The following SGK3 variants were observed in gnomAD, a reference collection of about 807,000 sequenced individuals.
The protein encoded by SGK3 is serine/threonine-protein kinase Sgk3.
A neutral mutation model predicts 68.5 loss-of-function variants in SGK3; 47 were observed. That is an observed-to-expected ratio of 0.69 (90% CI 0.54 to 0.87). The LOEUF (loss-of-function observed/expected upper bound fraction) is 0.87, where lower values mean the gene tolerates loss of function less well. Among genes scored for constraint, SGK3 ranks in the 40% least tolerant of loss-of-function variants. The pLI, the probability that SGK3 is intolerant of heterozygous loss-of-function variation, is 0.00. For synonymous variants in SGK3, 181 were observed against 189.1 expected (o/e 0.96, Z 0.35); for missense variants, 479 against 575.5 (o/e 0.83, Z 1.72).
intron 1 of SGK3, among the ~76,000 whole-genome samples, chr8:66,774,660 AGATT>A (rs1312450972): frequency 2.6e-5 from 4 of 152,192 alleles, no homozygotes; most frequent in East Asian, 1.9e-4. Flanking sequence ...GAAGGGAACG[AGATT>A]GATTAACAAT....
intron 8 of SGK3, 31 bp from the exon 9 acceptor site, chr8:66,835,732 A>G (rs373350839): frequency 1.9e-6 from 3 of 1,578,938 alleles, no homozygotes; most frequent in Admixed American, 3.9e-5. Flanking sequence ...TGAAATTTCT[A>G]ATAGTATACA....
intron 1 of SGK3, among the ~76,000 whole-genome samples, chr8:66,730,298 A>C (rs78607012): frequency 0.13 from 20,164 of 152,126 alleles, 2,533 homozygotes; most frequent in African/African-American, 0.33. Flanking sequence ...CTTATTAAAA[A>C]AAATTTGGTT....
In SGK3 at chr8:66,829,904, G is replaced by A. The variant is rs1049086580; in HGVS notation, c.467+1201G>A. Among the ~76,000 whole-genome samples, 3 of 144,380 alleles carry A rather than the reference G, an allele frequency of 2.1e-5. No homozygotes were observed. In the East Asian group the frequency reaches 6.1e-4, roughly 29 times the overall value. The allele number at this position is 144,380 out of a possible 152,430, so 94.7% of individuals were successfully genotyped here. On this transcript the variant is annotated intron_variant, in intron 7 of 16. Transcript: ENST00000521198. ...TTTTTTTTTATTGAGACAGAGTCTC[G>A]CTCTGTCGCCTAGGCGGGAGTCCAG...
intron 1 of SGK3, chr8:66,767,855 C>T (rs1406949400): frequency 5.0e-6 from 7 of 1,412,168 alleles, no homozygotes; most frequent in Non-Finnish European, 6.0e-6. Context: ...GTGGGAGCAT[C>T]GAATGTTTTG....
At chr8:66,817,789 C>T (rs1223119158) in intron 5 of SGK3, among the ~76,000 whole-genome samples, 1 of 152,094 alleles carries the variant, frequency 6.6e-6, no homozygotes, top group African/African-American at 2.4e-5. Context: ...ATGACATTAT[C>T]ACAAAGTAAA....
intron 11 of SGK3, 36 bp from the exon 12 acceptor site, chr8:66,840,175 A>G: frequency 6.3e-7 from 1 of 1,597,824 alleles, no homozygotes; most frequent in Non-Finnish European, 8.5e-7. Context: ...TTCGGTTTGT[A>G]TTCAGTTTTG....
chr8:66,859,023 A>G (rs1810646888), intron 16 of SGK3, among the ~76,000 whole-genome samples: 1 of 152,176 alleles, frequency 6.6e-6, no homozygotes, highest in African/African-American at 2.4e-5. Context: ...ACAAATTCAT[A>G]AAGGAGTTGT....
At chr8:66,821,678 A>ATTTTTTTTTTTT (rs59399048) in intron 5 of SGK3, among the ~76,000 whole-genome samples, 15 of 108,512 alleles carry the variant, frequency 1.4e-4, no homozygotes, top group Middle Eastern at 5.4e-3. Context: ...ACGCCCGGCT[A>ATTTTTTTTTTTT]TTTTTTTTTT....
intron 1 of SGK3, among the ~76,000 whole-genome samples, chr8:66,723,090 CATAT>C (rs1168038766): frequency 0.016 from 345 of 21,198 alleles, 2 homozygotes; most frequent in African/African-American, 0.031. Context: ...AGATTTTGTT[CATAT>C]ATATATATAT....
intron 1 of SGK3, chr8:66,767,851 G>T (rs758213315): frequency 1.4e-6 from 2 of 1,418,436 alleles, no homozygotes; most frequent in East Asian, 4.6e-5. Flanking sequence ...GGATGTGGGA[G>T]CATCGAATGT....
intron 1 of SGK3, among the ~76,000 whole-genome samples, chr8:66,757,998 T>C (rs560013335): frequency 4.5e-4 from 62 of 138,064 alleles, no homozygotes; most frequent in African/African-American, 1.1e-3. Flanking sequence ...TGTATATATA[T>C]ACACACACAC....
intron 1 of SGK3, among the ~76,000 whole-genome samples, chr8:66,778,517 C>T (rs1002894969): frequency 6.6e-6 from 1 of 152,290 alleles, no homozygotes; most frequent in African/African-American, 2.4e-5. Context: ...AGGATGGTCT[C>T]GATCTCCTGA....
chr8:66,824,446 T>G (rs1166625963), intron 6 of SGK3, among the ~76,000 whole-genome samples: 1 of 148,920 alleles, frequency 6.7e-6, no homozygotes, highest in Non-Finnish European at 1.5e-5. Flanking sequence ...GAGATTTTTA[T>G]TGCTCTACCA....
intron 4 of SGK3, among the ~76,000 whole-genome samples, chr8:66,806,763 A>T (rs1020781618): frequency 6.6e-6 from 1 of 151,684 alleles, no homozygotes; most frequent in African/African-American, 2.4e-5. Context: ...CAGGTGAGCC[A>T]AGATCGCACC....
chr8:66,729,253 G>A (rs566184174), intron 1 of SGK3, among the ~76,000 whole-genome samples: 17 of 151,142 alleles, frequency 1.1e-4, no homozygotes, highest in East Asian at 2.0e-4. Context: ...TCAGGAGATC[G>A]AGACCATCCT....
chr8:66,784,070 A>T (rs1807100871), intron 1 of SGK3, among the ~76,000 whole-genome samples: 1 of 151,644 alleles, frequency 6.6e-6, no homozygotes, highest in African/African-American at 2.4e-5. Flanking sequence ...GCTAATTTTT[A>T]AACTTTTTTT....
intron 1 of SGK3, among the ~76,000 whole-genome samples, chr8:66,757,604 T>C (rs1806017726): frequency 7.6e-6 from 1 of 132,326 alleles, no homozygotes; most frequent in African/African-American, 3.3e-5. Flanking sequence ...ACTGATAAAT[T>C]TTAAAAAAAA....
chr8:66,732,863 A>G (rs1805208470), intron 1 of SGK3, among the ~76,000 whole-genome samples: 1 of 152,158 alleles, frequency 6.6e-6, no homozygotes, highest in Non-Finnish European at 1.5e-5. Context: ...ATTAAAAAAA[A>G]AAATTATTGT....
chr8:66,727,609 C>G (rs975737296), intron 1 of SGK3, among the ~76,000 whole-genome samples: 1 of 152,164 alleles, frequency 6.6e-6, no homozygotes, highest in African/African-American at 2.4e-5. Flanking sequence ...TGAATGCTGT[C>G]ATGAAAGTGG....
Sources: allele counts gnomAD v4.1 joint callset (sites outside exome capture counted in the v4.1 genomes callset), GRCh38; gene constraint gnomAD v4.1.1; transcripts MANE v1.5; gene names NCBI Gene and HGNC (gene_info 2026-07-23, HGNC 2026-07-21).